DNAH14: variants seen among roughly 807,000 people sequenced by gnomAD.
DNAH14 encodes axonemal beta dynein heavy chain 14.
In DNAH14, 478 loss-of-function variants were observed where a neutral mutation model predicts 520.9. That is an observed-to-expected ratio of 0.92 (90% CI 0.85 to 0.99). The LOEUF (loss-of-function observed/expected upper bound fraction) is 0.99. Ranked by LOEUF, DNAH14 falls within the 50% of genes least tolerant of loss-of-function variation. DNAH14 has a pLI of 0.00. For missense variants in DNAH14, 4,831 were observed against 5,234.5 expected, an observed-to-expected ratio of 0.92 and a Z score of 2.38; for synonymous variants, 1,581 against 1,757.2, an observed-to-expected ratio of 0.90 and a Z score of 2.51.
intron 6 of DNAH14, among the ~76,000 whole-genome samples, chr1:224,968,266 A>G (rs1186474100): frequency 6.6e-6 from 1 of 152,050 alleles, no homozygotes; most frequent in African/African-American, 2.4e-5. Context: ...TCTGGAATAA[A>G]TTTTTTTATG....
At chr1:225,316,623 G>A (rs1447084938) in intron 60 of DNAH14, among the ~76,000 whole-genome samples, 1 of 152,174 alleles carries the variant, frequency 6.6e-6, no homozygotes, top group African/African-American at 2.4e-5. Flanking sequence ...CTGACCCCTT[G>A]TGCTTCCTGG....
intron 77 of DNAH14, among the ~76,000 whole-genome samples, chr1:225,370,727 A>G (rs956149579): frequency 6.6e-6 from 1 of 152,114 alleles, no homozygotes; most frequent in Non-Finnish European, 1.5e-5. Context: ...CTAATAAAGG[A>G]ATTCTTTATT....
intron 73 of DNAH14, among the ~76,000 whole-genome samples, chr1:225,356,903 A>G (rs1214148638): frequency 6.6e-6 from 1 of 152,196 alleles, no homozygotes; most frequent in African/African-American, 2.4e-5. Flanking sequence ...TAGAAATTTT[A>G]TGAGTATAGT....
intron 38 of DNAH14, among the ~76,000 whole-genome samples, chr1:225,197,145 G>A (rs1422772901): frequency 6.6e-6 from 1 of 151,744 alleles, no homozygotes; most frequent in Admixed American, 6.6e-5. Flanking sequence ...TTTTTTCAAT[G>A]ATATTTTGTA....
intron 23 of DNAH14, among the ~76,000 whole-genome samples, chr1:225,116,442 TG>T (rs578035464): frequency 6.6e-6 from 1 of 152,120 alleles, no homozygotes; most frequent in African/African-American, 2.4e-5. Flanking sequence ...AGGTAGAGCT[TG>T]GAGCATCCGA....
At chr1:225,108,675 T>C (rs773433042) in intron 23 of DNAH14, among the ~76,000 whole-genome samples, 1 of 152,206 alleles carries the variant, frequency 6.6e-6, no homozygotes, top group Non-Finnish European at 1.5e-5. Flanking sequence ...TGTCTCTTCA[T>C]TATTTTGTTG....
chr1:225,374,662 A>T (rs1025275945), intron 77 of DNAH14, 26 bp from the exon 78 acceptor site: 2 of 1,520,370 alleles, frequency 1.3e-6, no homozygotes, highest in African/African-American at 2.8e-5. Context: ...ATACTGAAAT[A>T]ATAAAGACTC....
chr1:225,393,780 A>AT (rs2095955513), intron 84 of DNAH14, among the ~76,000 whole-genome samples: 1 of 150,814 alleles, frequency 6.6e-6, no homozygotes, highest in Non-Finnish European at 1.5e-5. Flanking sequence ...AGTTTTAGTC[A>AT]TTCTAGTGGA....
chr1:224,937,503 T>G (rs1442531526), intron 1 of DNAH14, among the ~76,000 whole-genome samples: 1 of 151,826 alleles, frequency 6.6e-6, no homozygotes, highest in Non-Finnish European at 1.5e-5. Context: ...ATCAAAGAAA[T>G]GAAAGTTCTA....
intron 15 of DNAH14, among the ~76,000 whole-genome samples, chr1:225,046,118 TGTATATAA>T (rs1448774232): frequency 6.6e-6 from 1 of 151,420 alleles, no homozygotes; most frequent in African/African-American, 2.4e-5. Flanking sequence ...TATGTATATA[TGTATATAA>T]ATATACATAG....
chr1:225,262,463 C>A (rs1385866420), intron 46 of DNAH14, among the ~76,000 whole-genome samples: 2 of 151,836 alleles, frequency 1.3e-5, no homozygotes, highest in South Asian at 4.1e-4. Context: ...TTCTAGAATT[C>A]TTATGGTTTC....
intron 66 of DNAH14, among the ~76,000 whole-genome samples, chr1:225,335,437 G>GTGTGTATGCACATATGCACGTGTGTACA (rs1558429279): frequency 0.034 from 2,618 of 77,430 alleles, 405 homozygotes; most frequent in East Asian, 0.11. Flanking sequence ...GTGTGTACAT[G>GTGTGTATGCACATATGCACGTGTGTACA]TGTGTGTATG....
intron 21 of DNAH14, among the ~76,000 whole-genome samples, chr1:225,089,997 T>C (rs2148652545): frequency 6.6e-6 from 1 of 152,170 alleles, no homozygotes; most frequent in Admixed American, 6.5e-5. Flanking sequence ...AATGTCCAGA[T>C]TGAAAAAGAA....
chr1:225,055,915 T>G (rs2148352910), intron 17 of DNAH14, among the ~76,000 whole-genome samples: 1 of 152,274 alleles, frequency 6.6e-6, no homozygotes, highest in Non-Finnish European at 1.5e-5. Flanking sequence ...TGTGCCACAT[T>G]TTCTTAATCC....
rs190841330 is a variant in DNAH14 at position 225,331,600 on chromosome 1, A to G, written c.9864+23A>G. 7 of 1,551,060 alleles carry G rather than the reference A, an allele frequency of 4.5e-6. No individual in the cohort carries two copies. In the Admixed American group the frequency reaches 7.8e-5, roughly 17 times the overall value. ...AAGGCATGACTTACTTTGGTCTTATATCTCGTCCATAATTCCTACTGGGCC... is the reference window on the plus strand; with the variant it reads ...AAGGCATGACTTACTTTGGTCTTATGTCTCGTCCATAATTCCTACTGGGCC... On this transcript the variant is annotated intron_variant, in intron 65 of 85. Transcript: ENST00000682510.
intron 41 of DNAH14, among the ~76,000 whole-genome samples, chr1:225,207,467 C>G (rs575001816): frequency 6.6e-6 from 1 of 152,196 alleles, no homozygotes; most frequent in East Asian, 1.9e-4. Flanking sequence ...ACTAGAGGGT[C>G]TCTATTAAAG....
rs1377952223 is a variant in DNAH14 at position 225,206,068 on chromosome 1, A to G, written c.6075A>G (p.Leu2025=). The G allele has an allele frequency of 1.9e-6, 3 of 1,551,618 alleles. No individual in the cohort carries two copies. The highest frequency in any genetic ancestry group is 2.4e-5 in the South Asian group (2 of 84,060). Reference sequence around the variant, plus strand: ...TAGATGATACTAGAACATTGTGCCTAGCAAACAGTGAGAGAATAGCTTTAA... The same window carrying G: ...TAGATGATACTAGAACATTGTGCCTGGCAAACAGTGAGAGAATAGCTTTAA... ...SVLDDTRTLC[L]ANSERIALTN... Residue 2025 remains leucine (L), a synonymous_variant, in exon 40 of 86, where the codon CTA becomes CTG. Transcript: ENST00000682510.
intron 23 of DNAH14, among the ~76,000 whole-genome samples, chr1:225,108,286 C>T (rs2076237521): frequency 6.6e-6 from 1 of 152,196 alleles, no homozygotes; most frequent in African/African-American, 2.4e-5. Flanking sequence ...CTGAAGGCTG[C>T]ATTGTTGGCT....
chr1:225,259,278 T>C, intron 46 of DNAH14, 25 bp downstream of exon 46: 1 of 1,339,734 alleles, frequency 7.5e-7, no homozygotes, highest in Non-Finnish European at 9.8e-7. Context: ...CTTCTAAATT[T>C]GATTTGTCTG....
Sources: gnomAD v4.1 joint callset for allele counts (sites outside exome capture counted in the v4.1 genomes callset) on GRCh38, gnomAD v4.1.1 for gene constraint, MANE v1.5 for transcripts, NCBI Gene and HGNC (gene_info 2026-07-23, HGNC 2026-07-21) for gene names.